The following ATP10B variants were observed in gnomAD, a reference collection of about 807,000 sequenced individuals.
ATP10B encodes the protein ATPase phospholipid transporting 10B (putative).
A neutral mutation model predicts 141.2 loss-of-function variants in ATP10B; 122 were observed. The observed-to-expected ratio is 0.86, with a 90% CI of 0.75 to 1.00. The LOEUF is 1.00. Among genes scored for constraint, ATP10B ranks in the 50% least tolerant of loss-of-function variants. The probability of loss-of-function intolerance (pLI) is 0.00; values close to 1 mark genes in which losing one functional copy is unlikely to be tolerated. For synonymous variants in ATP10B, 685 were observed against 692.0 expected (o/e 0.99, Z 0.16); for missense variants, 1,876 against 1,825.3 (o/e 1.03, Z -0.51).
chr5:160,567,029 A>G (rs2127592181), intron 25 of ATP10B, among the ~76,000 whole-genome samples: 1 of 152,252 alleles, frequency 6.6e-6, no homozygotes, highest in African/African-American at 2.4e-5. Flanking sequence ...GTTCTCTCAC[A>G]TCTCACCCAG....
intron 1 of ATP10B, among the ~76,000 whole-genome samples, chr5:160,800,582 C>A (rs1357232334): frequency 6.6e-6 from 1 of 152,182 alleles, no homozygotes; most frequent in Non-Finnish European, 1.5e-5. Flanking sequence ...GTACAAAGTG[C>A]ATGCTGAATA....
intron 2 of ATP10B, among the ~76,000 whole-genome samples, chr5:160,758,836 A>G (rs1216363791): frequency 6.6e-6 from 1 of 152,212 alleles, no homozygotes; most frequent in Non-Finnish European, 1.5e-5. Context: ...AGGTCTCAGT[A>G]AACCTTGTGA....
the ATP10B span, among the ~76,000 whole-genome samples, chr5:160,909,751 T>C: frequency 2.5e-4 from 38 of 152,350 alleles, no homozygotes; most frequent in South Asian, 2.1e-3. Flanking sequence ...ATAACGTATT[T>C]ATCTCTAATT....
intron 2 of ATP10B, among the ~76,000 whole-genome samples, chr5:160,764,265 A>G (rs1004041444): frequency 6.6e-6 from 1 of 151,828 alleles, no homozygotes; most frequent in African/African-American, 2.4e-5. Flanking sequence ...AACAACAACA[A>G]AACTACAGAC....
At chr5:160,756,785 A>G (rs1160456796) in intron 2 of ATP10B, among the ~76,000 whole-genome samples, 1 of 152,094 alleles carries the variant, frequency 6.6e-6, no homozygotes, top group Non-Finnish European at 1.5e-5. Flanking sequence ...TAATAATCAC[A>G]TCATTCTTCC....
chr5:160,823,037 A>ATATAT, intron 1 of ATP10B, among the ~76,000 whole-genome samples: 1 of 97,836 alleles, frequency 1.0e-5, no homozygotes, highest in African/African-American at 3.5e-5. Flanking sequence ...TATATATATA[A>ATATAT]AATAAAGAGT....
chr5:160,923,731 T>A, the ATP10B span, among the ~76,000 whole-genome samples: 13 of 152,224 alleles, frequency 8.5e-5, no homozygotes. Context: ...ACCACTGTTT[T>A]GTCTGTGTTT....
intron 3 of ATP10B, among the ~76,000 whole-genome samples, chr5:160,691,993 G>A (rs1764101205): frequency 6.6e-6 from 1 of 152,182 alleles, no homozygotes; most frequent in Admixed American, 6.5e-5. Flanking sequence ...GATAATTTAT[G>A]AATAGCATTG....
At chr5:160,734,157 A>G (rs1766949115) in intron 2 of ATP10B, among the ~76,000 whole-genome samples, 1 of 151,802 alleles carries the variant, frequency 6.6e-6, no homozygotes, top group Admixed American at 6.6e-5. Context: ...ATGTTACATT[A>G]AAAAACAACT....
chr5:160,905,462 C>T, the ATP10B span, among the ~76,000 whole-genome samples: 3 of 152,148 alleles, frequency 2.0e-5, no homozygotes, highest in South Asian at 6.2e-4. Flanking sequence ...CATAGAGCTG[C>T]TGAGAAAATT....
At chr5:160,603,881 G>A in intron 20 of ATP10B, 84 bp downstream of exon 20, 1 of 1,215,572 alleles carries the variant, frequency 8.2e-7, no homozygotes. Flanking sequence ...AAGTTCTCAG[G>A]GAGAAGTTTC....
intron 18 of ATP10B, 149 bp from the exon 19 acceptor site, chr5:160,607,235 C>A: frequency 1.4e-6 from 1 of 726,032 alleles, no homozygotes; most frequent in Non-Finnish European, 2.2e-6. Flanking sequence ...TATTTCTCTG[C>A]AATATTTGAC....
chr5:160,650,258 G>A (rs1235364142), intron 7 of ATP10B, among the ~76,000 whole-genome samples: 1 of 151,414 alleles, frequency 6.6e-6, no homozygotes, highest in East Asian at 1.9e-4. Flanking sequence ...ACATATATTT[G>A]TGTAGGTATA....
At chr5:160,818,210 G>A (rs1773823154) in intron 1 of ATP10B, among the ~76,000 whole-genome samples, 1 of 152,134 alleles carries the variant, frequency 6.6e-6, no homozygotes, top group South Asian at 2.1e-4. Context: ...GTGTAAACAG[G>A]CAACCTACAG....
intron 1 of ATP10B, among the ~76,000 whole-genome samples, chr5:160,813,504 G>C (rs1773327971): frequency 6.6e-6 from 1 of 152,202 alleles, no homozygotes; most frequent in Admixed American, 6.5e-5. Flanking sequence ...ACTGGGTGGA[G>C]CTCACTGCAG....
intron 2 of ATP10B, among the ~76,000 whole-genome samples, chr5:160,744,272 A>G (rs1767661854): frequency 6.6e-6 from 1 of 152,168 alleles, no homozygotes; most frequent in Non-Finnish European, 1.5e-5. Flanking sequence ...TCAGAGGCCC[A>G]GGATTGCTGT....
chr5:160,625,737 A>T (rs1758575830), intron 13 of ATP10B, among the ~76,000 whole-genome samples: 1 of 152,204 alleles, frequency 6.6e-6, no homozygotes, highest in African/African-American at 2.4e-5. Flanking sequence ...ACTAGTCTGT[A>T]AGTGCTATGA....
Position 160,607,028 on chromosome 5 carries a change from A to G in ATP10B, c.2897T>C (p.Leu966Pro), listed in dbSNP as rs1349449538. 6.2e-7 allele frequency: 1 copy of G among 1,614,168 alleles called. No homozygotes were observed. Among genetic ancestry groups the G allele is most frequent in the Admixed American group, 1.7e-5 (1 of 60,014 alleles). The change falls in exon 19 of 26, where the codon CTA (leucine) becomes CCA (proline). Residue 966 changes from leucine (L) to proline (P), a missense_variant. Transcript: ENST00000327245. ...ALEELKQFRE[L>P]QKPDRKLFGF... ...AAAGAGCTTGCGGTCTGGCTTCTGT[A>G]GTTCACGAAATTGCTTTAGCTCTTC...
chr5:160,891,853 G>A, the ATP10B span, among the ~76,000 whole-genome samples: 16 of 152,270 alleles, frequency 1.1e-4, no homozygotes, highest in African/African-American at 3.9e-4. Flanking sequence ...TTGAAGTTTT[G>A]TAAATGGGGA....
Sources: allele counts gnomAD v4.1 joint callset (sites outside exome capture counted in the v4.1 genomes callset), GRCh38; gene constraint gnomAD v4.1.1; transcripts MANE v1.5; gene names NCBI Gene and HGNC (gene_info 2026-07-23, HGNC 2026-07-21).